The following MNS1 variants were observed in gnomAD, a reference collection of about 807,000 sequenced individuals.
The protein encoded by MNS1 is meiosis-specific nuclear structural protein 1.
In MNS1, 63 loss-of-function variants were observed where a neutral mutation model predicts 72.0. The ratio of observed to expected loss-of-function variants is 0.87; its 90% CI spans 0.71 to 1.08. The LOEUF (loss-of-function observed/expected upper bound fraction) is 1.08. MNS1 is among the 50% of genes least tolerant of loss of function. The probability of loss-of-function intolerance (pLI) is 0.00; values close to 1 mark genes in which losing one functional copy is unlikely to be tolerated. For synonymous variants in MNS1, 188 were observed against 172.1 expected, an observed-to-expected ratio of 1.09 and a Z score of -0.72; for missense variants, 604 against 562.4, an observed-to-expected ratio of 1.07 and a Z score of -0.75.
chr15:56,435,942 C>T (rs1278771316), intron 7 of MNS1, among the ~76,000 whole-genome samples: 1 of 151,986 alleles, frequency 6.6e-6, no homozygotes, highest in Non-Finnish European at 1.5e-5. Context: ...GAATTATTCA[C>T]CATGACCAAG....
intron 7 of MNS1, 121 bp downstream of exon 7, chr15:56,443,309 A>G: frequency 2.9e-6 from 2 of 680,054 alleles, no homozygotes; most frequent in Non-Finnish European, 4.5e-6. Context: ...ACTGTAGTAT[A>G]CCATTTACAT....
intron 7 of MNS1, among the ~76,000 whole-genome samples, chr15:56,439,251 C>G (rs538756191): frequency 6.6e-6 from 1 of 152,122 alleles, no homozygotes; most frequent in East Asian, 1.9e-4. Flanking sequence ...CTAGAGAATC[C>G]TGATGAAAAA....
In MNS1 at chr15:56,453,001, C is replaced by G. The variant is rs534590993; in HGVS notation, c.353+3393G>C. On this transcript the variant is annotated intron_variant, in intron 3 of 9. Coordinates refer to ENST00000260453, the MANE Select transcript of MNS1 (RefSeq NM_018365.4). Reference sequence around the variant, plus strand: ...TTTTACATGAGTTTTTTGGAATAATCAATTCCTATTATCGTATTTTATTCT... The same window carrying G: ...TTTTACATGAGTTTTTTGGAATAATGAATTCCTATTATCGTATTTTATTCT... 9.2e-5 allele frequency among the ~76,000 whole-genome samples: 14 copies of G among 152,242 alleles called. 1 individual carries two copies. The highest frequency in any genetic ancestry group is 3.4e-4 in the African/African-American group (14 of 41,550).
At chr15:56,453,079 A>T (rs1440067871) in intron 3 of MNS1, among the ~76,000 whole-genome samples, 2 of 152,116 alleles carry the variant, frequency 1.3e-5, no homozygotes, top group Non-Finnish European at 2.9e-5. Flanking sequence ...ATATTACAGC[A>T]TGTTTCTTTG....
intron 2 of MNS1, 101 bp from the exon 3 acceptor site, chr15:56,456,622 A>G (rs1485884072): frequency 8.9e-7 from 1 of 1,117,898 alleles, no homozygotes; most frequent in Non-Finnish European, 1.3e-6. Flanking sequence ...CCTTAAGGCC[A>G]ACAATTGATG....
Position 56,464,125 on chromosome 15 carries a change from C to T in MNS1, c.126G>A (p.Met42Ile), listed in dbSNP as rs912662707. The T allele has an allele frequency of 6.8e-6, 11 of 1,613,916 alleles. No individual in the cohort carries two copies. Among genetic ancestry groups the T allele is most frequent in the East Asian group, 6.7e-5 (3 of 44,850 alleles). ...KNVNSQIRNQMVQNENDNRVQ... is the reference protein window; with the variant it reads ...KNVNSQIRNQIVQNENDNRVQ... ...CACGGTTATCATTTTCATTCTGCACCATTTGATTCCTGATTTGACTGTTGA... is the reference window on the plus strand; with the variant it reads ...CACGGTTATCATTTTCATTCTGCACTATTTGATTCCTGATTTGACTGTTGA... Residue 42 changes from methionine (M) to isoleucine (I), a missense_variant, in exon 2 of 10, where the codon ATG (methionine) becomes ATA (isoleucine). Transcript: ENST00000260453.
intron 3 of MNS1, among the ~76,000 whole-genome samples, chr15:56,448,751 CTTTT>C (rs34366643): frequency 3.4e-5 from 4 of 117,658 alleles, no homozygotes; most frequent in Non-Finnish European, 3.6e-5. Context: ...TTTTTAGATT[CTTTT>C]TTTTTTTTTT....
intron 9 of MNS1, chr15:56,430,161 G>A (rs755441515): frequency 2.6e-5 from 4 of 152,066 alleles, no homozygotes; most frequent in East Asian, 1.9e-4. Flanking sequence ...GAAAGATGGC[G>A]ATCTTATTTA....
intron 8 of MNS1, among the ~76,000 whole-genome samples, chr15:56,433,249 G>A (rs2050646505): frequency 6.8e-6 from 1 of 147,586 alleles, no homozygotes; most frequent in African/African-American, 2.5e-5. Flanking sequence ...ACACACCAGG[G>A]CCTGTCGGGG....
intron 7 of MNS1, among the ~76,000 whole-genome samples, chr15:56,437,994 T>A (rs1340345955): frequency 1.3e-5 from 2 of 152,208 alleles, no homozygotes; most frequent in Admixed American, 6.5e-5. Context: ...GAACATTCCA[T>A]GCTCATGGAT....
Position 56,464,225 on chromosome 15 carries a change from C to T in MNS1, c.26G>A (p.Ser9Asn). MGSKRRNL[S>N]CSERHQKLVD... Reference sequence around the variant, plus strand: ...TAATTTCTGATGCCTTTCACTACAGCTCAAATTTCTCCTTTTGGAACCCTA... The same window carrying T: ...TAATTTCTGATGCCTTTCACTACAGTTCAAATTTCTCCTTTTGGAACCCTA... Residue 9 changes from serine (S) to asparagine (N), a missense_variant, in exon 2 of 10, where the codon AGC becomes AAC. Physicochemically the swap from Ser to Asn is conservative, Grantham distance 46. Transcript: ENST00000260453. 1 of 1,609,144 alleles carries T rather than the reference C, an allele frequency of 6.2e-7. No individual in the cohort carries two copies. The highest frequency in any genetic ancestry group is 8.5e-7 in the Non-Finnish European group (1 of 1,178,644).
intron 3 of MNS1, among the ~76,000 whole-genome samples, chr15:56,450,008 T>C (rs2050937456): frequency 6.6e-6 from 1 of 152,174 alleles, no homozygotes; most frequent in Admixed American, 6.5e-5. Context: ...CTTGGCTTTA[T>C]TTGTTCTACT....
At chr15:56,431,656 A>G (rs1240493722) in intron 8 of MNS1, among the ~76,000 whole-genome samples, 158 bp from the exon 9 acceptor site, 1 of 151,958 alleles carries the variant, frequency 6.6e-6, no homozygotes, top group Non-Finnish European at 1.5e-5. Context: ...TAAAATATAT[A>G]TTTTATGTCT....
At chr15:56,464,355 C>T in intron 1 of MNS1, 108 bp from the exon 2 acceptor site, 1 of 808,984 alleles carries the variant, frequency 1.2e-6, no homozygotes, top group Non-Finnish European at 1.9e-6. Flanking sequence ...AGCCTGGCTT[C>T]CTTCCTAAAT....
intron 4 of MNS1, among the ~76,000 whole-genome samples, 182 bp downstream of exon 4, chr15:56,446,659 G>C (rs1440075193): frequency 6.6e-6 from 1 of 151,890 alleles, no homozygotes; most frequent in Non-Finnish European, 1.5e-5. Context: ...TTTCTGAAAG[G>C]CTCTAATATT....
At position 56,461,495 on chromosome 15, in the gene MNS1, T is replaced by C. The variant is rs185762777; in HGVS notation, c.225+2531A>G. Among the ~76,000 whole-genome samples the C allele has an allele frequency of 8.0e-3, 1,217 of 152,022 alleles. 11 individuals are homozygous for C. Among genetic ancestry groups the C allele is most frequent in the South Asian group, 0.018 (86 of 4,806 alleles). On this transcript the variant is annotated intron_variant, in intron 2 of 9. Transcript: ENST00000260453. Reference sequence around the variant, plus strand: ...GGCCAACATCGTGAAACCCCATCTCTACTAAAAATACAAAAATTAGCCTAG... The same window carrying C: ...GGCCAACATCGTGAAACCCCATCTCCACTAAAAATACAAAAATTAGCCTAG...
chr15:56,431,900 C>CATAT (rs550793978), intron 8 of MNS1, among the ~76,000 whole-genome samples: 7 of 150,224 alleles, frequency 4.7e-5, no homozygotes, highest in Non-Finnish European at 7.4e-5. Context: ...AGGATATTTT[C>CATAT]ATATATATAT....
chr15:56,431,906 T>C (rs565522602), intron 8 of MNS1, among the ~76,000 whole-genome samples: 1 of 152,044 alleles, frequency 6.6e-6, no homozygotes, highest in East Asian at 1.9e-4. Context: ...TTTTCATATA[T>C]ATATATATAA....
chr15:56,453,722 C>A (rs1467663854), intron 3 of MNS1, among the ~76,000 whole-genome samples: 2 of 152,080 alleles, frequency 1.3e-5, no homozygotes, highest in African/African-American at 4.8e-5. Flanking sequence ...TTTCCCAACT[C>A]CAGTTAAAAA....
Sources: gnomAD v4.1 joint callset for allele counts (sites outside exome capture counted in the v4.1 genomes callset) on GRCh38, gnomAD v4.1.1 for gene constraint, MANE v1.5 for transcripts, NCBI Gene and HGNC (gene_info 2026-07-23, HGNC 2026-07-21) for gene names.